MAVS: variants seen among roughly 807,000 people sequenced by gnomAD.
MAVS encodes the protein mitochondrial antiviral signaling protein, also known as mitochondrial antiviral-signaling protein.
In MAVS, 20 loss-of-function variants were observed where a neutral mutation model predicts 30.2. The observed-to-expected ratio is 0.66, with a 90% CI of 0.47 to 0.96. MAVS has a LOEUF of 0.96. Ranked by LOEUF, MAVS falls within the 40% of genes least tolerant of loss-of-function variation. The pLI, the probability that MAVS is intolerant of heterozygous loss-of-function variation, is 0.00. For synonymous variants in MAVS, 278 were observed against 293.9 expected (o/e 0.95, Z 0.55); for missense variants, 624 against 701.1 (o/e 0.89, Z 1.24).
At position 3,864,628 on chromosome 20, in the gene MAVS, CT is replaced by C. The variant is rs2089892193; in HGVS notation, c.999del (p.Gly334ValfsTer72). ...AAGTTGCCAACTAGCTCAAAGCCCC[CT>C]GGTGCAGTGCCTTCTAATGCGCTCA... ...PSKLPTSSKPPGAVPSNALTN... is the reference protein window; with the variant it reads ...PSKLPTSSKPXGAVPSNALTN... On this transcript the variant is annotated frameshift_variant, in exon 6 of 7. Transcript: ENST00000428216. LOFTEE classifies it high-confidence loss of function. 1.9e-6 allele frequency: 3 copies of C among 1,614,122 alleles called. No individual in the cohort carries two copies. The highest frequency in any genetic ancestry group is 2.5e-6 in the Non-Finnish European group (3 of 1,180,048).
Position 3,854,823 on chromosome 20 carries a change from A to G in MAVS, c.117+82A>G, listed in dbSNP as rs1369155997. The G allele has an allele frequency of 1.3e-5, 12 of 888,912 alleles. No homozygotes were observed. In the Admixed American group the frequency reaches 2.6e-4, roughly 19 times the overall value. 55.1% of individuals were successfully genotyped at this position (888,912 alleles called of 1,614,324 possible). ...AAGCTCAGCCCCATCCTAGTTCCTCACCCAAGCCTGGGCTGGCTCCTTCCT... is the reference window on the plus strand; with the variant it reads ...AAGCTCAGCCCCATCCTAGTTCCTCGCCCAAGCCTGGGCTGGCTCCTTCCT... On this transcript the variant is annotated intron_variant, in intron 2 of 6. Coordinates refer to ENST00000428216, the MANE Select transcript of MAVS (RefSeq NM_020746.5).
At chr20:3,853,135 G>A (rs566123593) in intron 1 of MAVS, among the ~76,000 whole-genome samples, 1 of 142,496 alleles carries the variant, frequency 7.0e-6, no homozygotes, top group Non-Finnish European at 1.5e-5. Context: ...CACCGCGCCC[G>A]GGTTCTGCAG....
Position 3,867,180 on chromosome 20 carries a change from C to T in MAVS, c.*1033C>T. ...GCTCTGCAGCACAGGCAGCCTAGGC[C>T]TGCGTCCCAACCTGCCTCTCACCAG... On this transcript the variant is annotated 3_prime_UTR_variant, in exon 7 of 7. Transcript: ENST00000428216. 1 of 401,956 alleles carries T rather than the reference C, an allele frequency of 2.5e-6. No individual in the cohort carries two copies. The highest frequency in any genetic ancestry group is 1.8e-5 in the South Asian group (1 of 54,942). 24.9% of individuals were successfully genotyped at this position (401,956 alleles called of 1,614,324 possible).
chr20:3,874,088 A>T lies in MAVS; in HGVS notation c.*7941A>T. The stretch of plus-strand genomic sequence containing the variant: ...GGTCGAATACTACTGCACAGCAACG[A>T]ATATGAATGAAAATATCGCTATGCA... On this transcript the variant is annotated 3_prime_UTR_variant, in exon 7 of 7. Transcript: ENST00000428216. 2.5e-6 allele frequency: 1 copy of T among 398,664 alleles called. No homozygotes were observed. Among genetic ancestry groups the T allele is most frequent in the Non-Finnish European group, 4.4e-6 (1 of 226,078 alleles). 24.7% of individuals were successfully genotyped at this position (398,664 alleles called of 1,614,324 possible).
At chr20:3,851,753 C>T (rs1444781531) in intron 1 of MAVS, among the ~76,000 whole-genome samples, 10 of 151,756 alleles carry the variant, frequency 6.6e-5, no homozygotes. Context: ...GTCAGGAGTT[C>T]AAGACCAGCC....
At chr20:3,855,504 G>T (rs1309254135) in intron 2 of MAVS, among the ~76,000 whole-genome samples, 2 of 152,126 alleles carry the variant, frequency 1.3e-5, no homozygotes, top group Non-Finnish European at 2.9e-5. Context: ...GCAGGCCCCT[G>T]GCACTCACTA....
rs765934516 is a variant in MAVS at position 3,854,654 on chromosome 20, G to A, written c.30G>A (p.Lys10=). The A allele has an allele frequency of 2.5e-6, 4 of 1,613,642 alleles. No individual in the cohort carries two copies. Among genetic ancestry groups the A allele is most frequent in the African/African-American group, 2.7e-5 (2 of 74,842 alleles). Residue 10 remains lysine (K), a synonymous_variant, in exon 2 of 7, where the codon AAG becomes AAA. Transcript: ENST00000428216. The part of the protein sequence containing the change: MPFAEDKTY[K]YICRNFSNFC... ...CGTTTGCTGAAGACAAGACCTATAA[G>A]TATATCTGCCGCAATTTCAGCAATT...
chr20:3,849,041 G>C (rs2089734882), intron 1 of MAVS, among the ~76,000 whole-genome samples: 1 of 152,042 alleles, frequency 6.6e-6, no homozygotes, highest in Non-Finnish European at 1.5e-5. Flanking sequence ...CACCAGAGAA[G>C]TCTTTAATGT....
chr20:3,861,695 T>C (rs1256879220), intron 4 of MAVS, among the ~76,000 whole-genome samples, 191 bp downstream of exon 4: 1 of 152,186 alleles, frequency 6.6e-6, no homozygotes, highest in Admixed American at 6.6e-5. Flanking sequence ...GTCTTCACCC[T>C]GTGGCAGCCC....
Position 3,874,204 on chromosome 20 carries a change from T to C in MAVS, c.*8057T>C. ...GAGAGAATTCATTGTATGATTCTCT[T>C]CCTACAAAAAGTACAGAAATAAGCA... On this transcript the variant is annotated 3_prime_UTR_variant, in exon 7 of 7. Transcript: ENST00000428216. 2.5e-6 allele frequency: 1 copy of C among 398,598 alleles called. No homozygotes were observed. The highest frequency in any genetic ancestry group is 4.4e-6 in the Non-Finnish European group (1 of 226,070). 24.7% of individuals were successfully genotyped at this position (398,598 alleles called of 1,614,324 possible). A position where few individuals can be genotyped will look rare whatever the true frequency, so the allele number is the denominator to read the frequency against.
rs2089972411 is a variant in MAVS, at chr20:3,873,861, C to G, written c.*7714C>G. On this transcript the variant is annotated 3_prime_UTR_variant, in exon 7 of 7. Transcript: ENST00000428216. ...GACCCTGTTGGAAAACTGGCAGTAT[C>G]TACCAAAAGCCGAACATACGTATAA... The G allele has an allele frequency of 2.8e-6, 1 of 351,056 alleles. No individual in the cohort carries two copies. Among genetic ancestry groups the G allele is most frequent in the South Asian group, 1.6e-4 (1 of 6,402 alleles). 21.7% of individuals were successfully genotyped at this position (351,056 alleles called of 1,614,324 possible).
At position 3,866,067 on chromosome 20, in the gene MAVS, G is replaced by A; in HGVS notation, c.1543G>A (p.Ala515Thr). The A allele has an allele frequency of 1.2e-6, 2 of 1,611,970 alleles. No individual in the cohort carries two copies. Among genetic ancestry groups the A allele is most frequent in the Non-Finnish European group, 1.7e-6 (2 of 1,179,820 alleles). ...EVPCHRPSPG[A>T]LWLQVAVTGV... ...GCCATGCCACAGGCCCTCACCTGGGGCTCTGTGGCTCCAGGTGGCTGTGAC... is the reference window on the plus strand; with the variant it reads ...GCCATGCCACAGGCCCTCACCTGGGACTCTGTGGCTCCAGGTGGCTGTGAC... The change falls in exon 7 of 7, where the codon GCT (alanine) becomes ACT (threonine). Residue 515 changes from alanine (A) to threonine (T), a missense_variant. By Grantham distance (58) the Ala-to-Thr change is moderately conservative. Coordinates refer to ENST00000428216, the MANE Select transcript of MAVS (RefSeq NM_020746.5).
chr20:3,854,764 C>T (rs376720980), intron 2 of MAVS, 23 bp downstream of exon 2: 40 of 1,532,538 alleles, frequency 2.6e-5, no homozygotes, highest in African/African-American at 2.6e-4. Context: ...AGTGACAGCC[C>T]GACACTGGCC....
At chr20:3,853,490 A>AT (rs1396862713) in intron 1 of MAVS, among the ~76,000 whole-genome samples, 1 of 151,558 alleles carries the variant, frequency 6.6e-6, no homozygotes, top group African/African-American at 2.4e-5. Flanking sequence ...CGTCTCAAAA[A>AT]AAAAAAAAAG....
In MAVS at chr20:3,862,443, C is replaced by A. The variant is rs780358947; in HGVS notation, c.625+30C>A. 3 of 1,594,990 alleles carry A rather than the reference C, an allele frequency of 1.9e-6. No homozygotes were observed. The South Asian group carries it at 3.4e-5, about 18-fold the overall frequency. ...GCATGGAATCTGGAATTATAGGGTC[C>A]TTCTGATCTCTCAAGTGAGGGTAAG... is the stretch of plus-strand genomic sequence containing the variant. On this transcript the variant is annotated intron_variant, in intron 5 of 6. Coordinates refer to ENST00000428216, the MANE Select transcript of MAVS (RefSeq NM_020746.5).
At chr20:3,856,811 A>C (rs1454111023) in intron 2 of MAVS, among the ~76,000 whole-genome samples, 2 of 151,930 alleles carry the variant, frequency 1.3e-5, no homozygotes, top group East Asian at 3.9e-4. Flanking sequence ...AGGCGGGTGG[A>C]TCACCTGAGG....
chr20:3,866,066 G>A lies in MAVS; in HGVS notation c.1542G>A (p.Gly514=), dbSNP rs2089905609. ...REVPCHRPSP[G]ALWLQVAVTG... ...TGCCATGCCACAGGCCCTCACCTGGGGCTCTGTGGCTCCAGGTGGCTGTGA... is the reference window on the plus strand; with the variant it reads ...TGCCATGCCACAGGCCCTCACCTGGAGCTCTGTGGCTCCAGGTGGCTGTGA... Residue 514 remains glycine (G), a synonymous_variant, in exon 7 of 7, where the codon GGG becomes GGA. Transcript: ENST00000428216. The A allele has an allele frequency of 6.2e-7, 1 of 1,611,992 alleles. No homozygotes were observed. The highest frequency in any genetic ancestry group is 8.5e-7 in the Non-Finnish European group (1 of 1,179,816).
In MAVS at chr20:3,866,769, G is replaced by A; in HGVS notation, c.*622G>A. 2.6e-6 allele frequency: 1 copy of A among 390,368 alleles called. No individual in the cohort carries two copies. Among genetic ancestry groups the A allele is most frequent in the Non-Finnish European group, 5.1e-6 (1 of 196,142 alleles). 24.2% of individuals were successfully genotyped at this position (390,368 alleles called of 1,614,324 possible). On this transcript the variant is annotated 3_prime_UTR_variant, in exon 7 of 7. Coordinates refer to ENST00000428216, the MANE Select transcript of MAVS (RefSeq NM_020746.5). ...TTCCTGTGGACCTCAGGGAAGCCAGGGGCAGCTGTCAGGCCTGAGGAAGAC... is the reference window on the plus strand; with the variant it reads ...TTCCTGTGGACCTCAGGGAAGCCAGAGGCAGCTGTCAGGCCTGAGGAAGAC...
chr20:3,865,660 C>A lies in MAVS; in HGVS notation c.1159-23C>A, dbSNP rs770410411. 8.2e-6 allele frequency: 13 copies of A among 1,576,670 alleles called. No individual in the cohort carries two copies. Among genetic ancestry groups the A allele is most frequent in the Non-Finnish European group, 1.1e-5 (13 of 1,160,436 alleles). ...TCTCCCTGCCAACCCCAGTCCCTTC[C>A]AGTGCTCTCCTTTCTTTCCCAGGAG... On this transcript the variant is annotated intron_variant, in intron 6 of 6. Transcript: ENST00000428216. The surrounding 1 kb of genome is among the most constrained non-coding windows in gnomAD (Gnocchi z 4.7).
Sources: gnomAD v4.1 joint callset for allele counts (sites outside exome capture counted in the v4.1 genomes callset) on GRCh38, gnomAD v4.1.1 for gene constraint, Gnocchi (gnomAD v3.1) non-coding constraint, MANE v1.5 for transcripts, NCBI Gene and HGNC (gene_info 2026-07-23, HGNC 2026-07-21) for gene names.